ZNF493: variants seen among roughly 807,000 people sequenced by gnomAD.
ZNF493 encodes the protein zinc finger protein 493.
ZNF493 carries 11 observed loss-of-function variants against 12.2 expected under a neutral mutation model. The ratio of observed to expected loss-of-function variants is 0.90; its 90% CI spans 0.57 to 1.50. ZNF493 has a LOEUF of 1.50. Ranked by LOEUF, ZNF493 falls within the 40% of genes most tolerant of loss-of-function variation. The pLI, the probability that ZNF493 is intolerant of heterozygous loss-of-function variation, is 0.00. For missense variants in ZNF493, 950 were observed against 906.6 expected, an observed-to-expected ratio of 1.05 and a Z score of -0.61; for synonymous variants, 286 against 302.6, an observed-to-expected ratio of 0.95 and a Z score of 0.57.
intron 1 of ZNF493, chr19:21,398,465 A>G (rs980270743): frequency 2.0e-5 from 4 of 204,060 alleles, no homozygotes; most frequent in Admixed American, 6.0e-5. Flanking sequence ...TGGAAAATCT[A>G]TGGGGTGATG....
In ZNF493 at chr19:21,423,370, C is replaced by A; in HGVS notation, c.711C>A (p.Ser237=). The change falls in exon 4 of 4, where the codon TCC becomes TCA. Residue 237 remains serine, a synonymous_variant. Transcript: ENST00000392288. The part of the protein sequence containing the change: ...RHRRVHTGEK[S]YKYECGKSFN... ...GGAGAGTTCATACTGGAGAGAAATC[C>A]TACAAATATGAATGTGGCAAATCTT... 6.2e-7 allele frequency: 1 copy of A among 1,613,576 alleles called. No homozygotes were observed. The highest frequency in any genetic ancestry group is 1.1e-5 in the South Asian group (1 of 91,068).
intron 3 of ZNF493, chr19:21,413,474 C>A: frequency 4.9e-6 from 2 of 404,686 alleles, no homozygotes; most frequent in Non-Finnish European, 8.7e-6. Flanking sequence ...AGGTTTTCTT[C>A]CGCCATCTGT....
At chr19:21,422,265 T>A (rs531655075) in intron 3 of ZNF493, among the ~76,000 whole-genome samples, 2 of 152,170 alleles carry the variant, frequency 1.3e-5, no homozygotes, top group East Asian at 3.9e-4. Flanking sequence ...CAAACTGTCA[T>A]TCCAAAGTAT....
intron 1 of ZNF493, among the ~76,000 whole-genome samples, chr19:21,401,809 G>T (rs923659020): frequency 2.0e-5 from 3 of 151,834 alleles, no homozygotes; most frequent in Non-Finnish European, 4.4e-5. Context: ...ATTTTTAGTA[G>T]AGATGGGGTT....
At chr19:21,403,482 G>A (rs1015277072) in intron 1 of ZNF493, among the ~76,000 whole-genome samples, 2 of 146,528 alleles carry the variant, frequency 1.4e-5, no homozygotes, top group Admixed American at 6.9e-5. Flanking sequence ...TGTTATAAAG[G>A]ACAAAAGTGA....
Position 21,425,075 on chromosome 19 carries a change from GAT to G in ZNF493, c.*93_*94del. On this transcript the variant is annotated 3_prime_UTR_variant, in exon 4 of 4. Transcript: ENST00000392288. ...AGTACTTTACCCTTAATACACATAA[GAT>G]AATTAATGCTGGAGAGAAACCCTAC... 1 of 1,370,710 alleles carries G rather than the reference GAT, an allele frequency of 7.3e-7. No individual in the cohort carries two copies. The highest frequency in any genetic ancestry group is 1.0e-6 in the Non-Finnish European group (1 of 988,906). The allele number at this position is 1,370,710 out of a possible 1,614,324, so 84.9% of individuals were successfully genotyped here.
At chr19:21,397,629 G>C in intron 1 of ZNF493, 1 of 486,086 alleles carries the variant, frequency 2.1e-6, no homozygotes, top group Non-Finnish European at 3.6e-6. Context: ...GCTTTGGTCC[G>C]TGGGGTTCCC....
intron 3 of ZNF493, among the ~76,000 whole-genome samples, chr19:21,409,133 C>T (rs1229838687): frequency 6.6e-6 from 1 of 152,056 alleles, no homozygotes; most frequent in East Asian, 1.9e-4. Flanking sequence ...ATCTGCCTGC[C>T]TCAGCCTCCC....
At position 21,423,475 on chromosome 19, in the gene ZNF493, A is replaced by C. The variant is rs1425519756; in HGVS notation, c.816A>C (p.Thr272=). The stretch of plus-strand genomic sequence containing the variant: ...CCTACAAATGTGAAGAATGTGGCAC[A>C]TCTTTCTACCAATTCTCATACCTTA... The part of the protein sequence containing the change: ...QKPYKCEECG[T]SFYQFSYLTR... The change falls in exon 4 of 4, where the codon ACA becomes ACC. Residue 272 remains threonine (T), a synonymous_variant. Coordinates refer to ENST00000392288, the MANE Select transcript of ZNF493 (RefSeq NM_001076678.3). 6.2e-7 allele frequency: 1 copy of C among 1,613,772 alleles called. No homozygotes were observed. The highest frequency in any genetic ancestry group is 1.7e-5 in the Admixed American group (1 of 59,998).
At chr19:21,415,983 T>A (rs2145294340) in intron 3 of ZNF493, among the ~76,000 whole-genome samples, 1 of 152,352 alleles carries the variant, frequency 6.6e-6, no homozygotes, top group East Asian at 1.9e-4. Flanking sequence ...TGATTTTTTC[T>A]TAATTATGAA....
At chr19:21,420,191 A>G (rs1448269691) in intron 3 of ZNF493, among the ~76,000 whole-genome samples, 1 of 152,008 alleles carries the variant, frequency 6.6e-6, no homozygotes, top group East Asian at 1.9e-4. Flanking sequence ...TACAGACACA[A>G]AGTTTTCTGA....
At position 21,427,509 on chromosome 19, in the gene ZNF493, T is replaced by A. The variant is rs2030885003; in HGVS notation, c.*2525T>A. ...AAAAATTTTAAATTCTGTGTGAAGGTAACTGTTTCAACATTTTTAACATGG... is the reference window on the plus strand; with the variant it reads ...AAAAATTTTAAATTCTGTGTGAAGGAAACTGTTTCAACATTTTTAACATGG... On this transcript the variant is annotated 3_prime_UTR_variant, in exon 4 of 4. Transcript: ENST00000392288. 6.6e-6 allele frequency: 1 copy of A among 152,084 alleles called. No homozygotes were observed. Among genetic ancestry groups the A allele is most frequent in the South Asian group, 2.1e-4 (1 of 4,824 alleles). 9.4% of individuals were successfully genotyped at this position (152,084 alleles called of 1,614,324 possible).
rs1253107345 is a variant in ZNF493 at position 21,427,430 on chromosome 19, C to A, written c.*2446C>A. ...CATTAGGTATATCTCCCAATGCTAT[C>A]CGTCCCCCCTCCCCCCAATTGTACT... On this transcript the variant is annotated 3_prime_UTR_variant, in exon 4 of 4. Transcript: ENST00000392288. The A allele has an allele frequency of 2.0e-5, 3 of 152,560 alleles. No homozygotes were observed. Among genetic ancestry groups the A allele is most frequent in the Non-Finnish European group, 4.4e-5 (3 of 68,048 alleles). The allele number at this position is 152,560 out of a possible 1,614,324, so 9.5% of individuals were successfully genotyped here.
At chr19:21,401,905 C>T (rs1008614078) in intron 1 of ZNF493, among the ~76,000 whole-genome samples, 1 of 152,020 alleles carries the variant, frequency 6.6e-6, no homozygotes, top group East Asian at 1.9e-4. Context: ...GCTAGGATTA[C>T]AGGAGTGAGC....
At chr19:21,410,730 CAT>C (rs1568379674) in intron 3 of ZNF493, among the ~76,000 whole-genome samples, 1 of 151,900 alleles carries the variant, frequency 6.6e-6, no homozygotes, top group African/African-American at 2.4e-5. Context: ...TGCCAAGACT[CAT>C]ATTATTTCTT....
intron 3 of ZNF493, among the ~76,000 whole-genome samples, chr19:21,410,092 G>A (rs1599372015): frequency 2.7e-5 from 3 of 113,124 alleles, no homozygotes; most frequent in African/African-American, 1.0e-4. Context: ...ATATATATAT[G>A]CAACACTTTT....
In ZNF493 at chr19:21,425,639, A is replaced by G. The variant is rs568817121; in HGVS notation, c.*655A>G. The G allele has an allele frequency of 1.6e-5, 13 of 806,132 alleles. No homozygotes were observed. The highest frequency in any genetic ancestry group is 6.6e-5 in the South Asian group (5 of 75,266). The allele number at this position is 806,132 out of a possible 1,614,324, so 49.9% of individuals were successfully genotyped here. ...AAAAATGTGGCAAACCTTTTAACCAATCCTCAACCCTTACTACACATTAGA... is the reference window on the plus strand; with the variant it reads ...AAAAATGTGGCAAACCTTTTAACCAGTCCTCAACCCTTACTACACATTAGA... On this transcript the variant is annotated 3_prime_UTR_variant, in exon 4 of 4. Coordinates refer to ENST00000392288, the MANE Select transcript of ZNF493 (RefSeq NM_001076678.3).
chr19:21,424,290 C>G lies in ZNF493; in HGVS notation c.1631C>G (p.Pro544Arg). 1 of 1,613,514 alleles carries G rather than the reference C, an allele frequency of 6.2e-7. No homozygotes were observed. Among genetic ancestry groups the G allele is most frequent in the Non-Finnish European group, 8.5e-7 (1 of 1,179,758 alleles). ...AAAATGATTCACACTGGAGAAAAAC[C>G]CTACAAATGTGAAGAATGTGGCAAA... ...IHKMIHTGEK[P>R]YKCEECGKAF... Residue 544 changes from proline (P) to arginine (R), a missense_variant, in exon 4 of 4, where the codon CCC becomes CGC. By Grantham distance (103) the Pro-to-Arg change is moderately radical. Coordinates refer to ENST00000392288, the MANE Select transcript of ZNF493 (RefSeq NM_001076678.3).
At chr19:21,408,754 TG>T in intron 3 of ZNF493, 1 of 984,866 alleles carries the variant, frequency 1.0e-6, no homozygotes, top group South Asian at 4.7e-5. Flanking sequence ...GTATACTTTA[TG>T]TCAATGTGAG....
Sources: gnomAD v4.1 joint callset for allele counts (sites outside exome capture counted in the v4.1 genomes callset) on GRCh38, gnomAD v4.1.1 for gene constraint, MANE v1.5 for transcripts, NCBI Gene and HGNC (gene_info 2026-07-23, HGNC 2026-07-21) for gene names.